ARPP21: variants seen among roughly 807,000 people sequenced by gnomAD.
ARPP21 encodes cAMP-regulated phosphoprotein 21.
ARPP21 carries 69 observed loss-of-function variants against 113.2 expected under a neutral mutation model. The observed-to-expected ratio is 0.61, with a 90% CI of 0.50 to 0.74. The LOEUF (loss-of-function observed/expected upper bound fraction) is 0.74, where lower values mean the gene tolerates loss of function less well. Among genes scored for constraint, ARPP21 ranks in the 30% least tolerant of loss-of-function variants. ARPP21 has a pLI of 0.00. For synonymous variants in ARPP21, 368 were observed against 375.5 expected, an observed-to-expected ratio of 0.98 and a Z score of 0.23; for missense variants, 1,070 against 1,037.4, an observed-to-expected ratio of 1.03 and a Z score of -0.43.
At chr3:35,717,434 C>A (rs192232720) in intron 13 of ARPP21, 77 bp downstream of exon 13, 1 of 884,010 alleles carries the variant, frequency 1.1e-6, no homozygotes, top group South Asian at 1.4e-5. Flanking sequence ...TTAGTGTACT[C>A]GTGTAAAATA....
chr3:35,750,741 T>C (rs921902964), intron 19 of ARPP21, among the ~76,000 whole-genome samples: 1 of 152,192 alleles, frequency 6.6e-6, no homozygotes, highest in Admixed American at 6.5e-5. Context: ...GTCCCTGACA[T>C]GCAAAGACAG....
intron 19 of ARPP21, among the ~76,000 whole-genome samples, chr3:35,778,345 T>A (rs891855648): frequency 6.6e-6 from 1 of 152,008 alleles, no homozygotes; most frequent in Admixed American, 6.6e-5. Flanking sequence ...CCACCTGGGT[T>A]TTGCTAATGG....
intron 19 of ARPP21, among the ~76,000 whole-genome samples, chr3:35,776,324 C>G (rs1207120669): frequency 6.6e-6 from 1 of 152,272 alleles, no homozygotes; most frequent in East Asian, 1.9e-4. Context: ...GGAAGATTCT[C>G]TATACCTCTG....
chr3:35,658,164 T>C (rs1356205411), intron 1 of ARPP21, among the ~76,000 whole-genome samples: 3 of 152,098 alleles, frequency 2.0e-5, no homozygotes, highest in Admixed American at 2.0e-4. Flanking sequence ...GGTGAACACA[T>C]TCCAGACTCA....
rs2084774774 is a variant in ARPP21, at chr3:35,698,100, C to T, written c.686+7095C>T. On this transcript the variant is annotated intron_variant, in intron 9 of 20. Coordinates refer to ENST00000684406, the MANE Select transcript of ARPP21 (RefSeq NM_001385562.1). ...TCAGAAACCTAAGAATCACATTGTT[C>T]TCAGGAAAACTATGAAACTTTATTT... 2.0e-5 allele frequency among the ~76,000 whole-genome samples: 3 copies of T among 151,758 alleles called. No individual in the cohort carries two copies. The South Asian group carries it at 6.2e-4, about 31-fold the overall frequency.
intron 1 of ARPP21, among the ~76,000 whole-genome samples, chr3:35,654,421 C>T (rs1703855978): frequency 6.6e-6 from 1 of 152,004 alleles, no homozygotes; most frequent in South Asian, 2.1e-4. Context: ...CTGTCTTCTG[C>T]CCCATGGGGG....
intron 1 of ARPP21, among the ~76,000 whole-genome samples, chr3:35,653,607 G>A (rs984970083): frequency 6.6e-6 from 1 of 152,038 alleles, no homozygotes; most frequent in African/African-American, 2.4e-5. Flanking sequence ...TAGGAAGGGG[G>A]TAGGTTTGAC....
rs377308615 is a variant in ARPP21, at chr3:35,722,284, C to T, written c.1225+450C>T. Among the ~76,000 whole-genome samples, 50 of 152,238 alleles carry T rather than the reference C, an allele frequency of 3.3e-4. 2 individuals are homozygous for T. The East Asian group carries it at 5.8e-3, about 18-fold the overall frequency. On this transcript the variant is annotated intron_variant, in intron 14 of 20. Coordinates refer to ENST00000684406, the MANE Select transcript of ARPP21 (RefSeq NM_001385562.1). Reference sequence around the variant, plus strand: ...TAATATGAATTATTCCTTAAAAACACGCCGTAGGATAATTATAATATTAAT... The same window carrying T: ...TAATATGAATTATTCCTTAAAAACATGCCGTAGGATAATTATAATATTAAT...
intron 14 of ARPP21, among the ~76,000 whole-genome samples, chr3:35,723,206 C>A (rs1431262905): frequency 6.6e-6 from 1 of 152,132 alleles, no homozygotes. Context: ...GATATTTTCC[C>A]AATCACCCTT....
At chr3:35,692,603 C>A (rs2082568832) in intron 9 of ARPP21, among the ~76,000 whole-genome samples, 1 of 151,500 alleles carries the variant, frequency 6.6e-6, no homozygotes, top group Non-Finnish European at 1.5e-5. Context: ...TAACTTACAC[C>A]AATTTTGCAA....
At chr3:35,736,446 A>G (rs569134065) in intron 15 of ARPP21, among the ~76,000 whole-genome samples, 26 of 152,294 alleles carry the variant, frequency 1.7e-4, no homozygotes, top group African/African-American at 6.3e-4. Context: ...AAATGATGCT[A>G]TTTTGTAAAC....
chr3:35,746,370 C>G (rs1013259745), intron 19 of ARPP21, among the ~76,000 whole-genome samples: 1 of 152,202 alleles, frequency 6.6e-6, no homozygotes, highest in African/African-American at 2.4e-5. Context: ...CTAACAGAAA[C>G]TTTCCAAATG....
In ARPP21 at chr3:35,755,875, A is replaced by G. The variant is rs374854844; in HGVS notation, c.2137+11910A>G. 1.5e-3 allele frequency among the ~76,000 whole-genome samples: 223 copies of G among 152,250 alleles called. 14 individuals carry two copies. The South Asian group carries it at 0.044, about 30-fold the overall frequency. On this transcript the variant is annotated intron_variant, in intron 19 of 20. Coordinates refer to ENST00000684406, the MANE Select transcript of ARPP21 (RefSeq NM_001385562.1). Reference sequence around the variant, plus strand: ...TTTCCAAGAACTACACATTTGGGTAAAAACTTTAGTGGTATTCCAATTTTG... The same window carrying G: ...TTTCCAAGAACTACACATTTGGGTAGAAACTTTAGTGGTATTCCAATTTTG...
At chr3:35,788,622 T>A (rs1342298378) in intron 19 of ARPP21, among the ~76,000 whole-genome samples, 1 of 152,216 alleles carries the variant, frequency 6.6e-6, no homozygotes, top group African/African-American at 2.4e-5. Context: ...TACTATTTTG[T>A]CTGTCATTTC....
intron 19 of ARPP21, among the ~76,000 whole-genome samples, chr3:35,790,931 G>A (rs1457105995): frequency 4.6e-5 from 7 of 152,130 alleles, no homozygotes; most frequent in Non-Finnish European, 8.8e-5. Flanking sequence ...TTACACACTG[G>A]TTCCACTTGC....
At chr3:35,783,599 A>T (rs2096570375) in intron 19 of ARPP21, among the ~76,000 whole-genome samples, 1 of 151,958 alleles carries the variant, frequency 6.6e-6, no homozygotes, top group South Asian at 2.1e-4. Flanking sequence ...TTTCCAGTAG[A>T]CTTTCTACTT....
intron 1 of ARPP21, among the ~76,000 whole-genome samples, chr3:35,645,677 G>A (rs906617450): frequency 6.6e-5 from 10 of 151,882 alleles, no homozygotes; most frequent in Non-Finnish European, 2.9e-5. Flanking sequence ...TAATGGATAA[G>A]CATTCTTTTA....
chr3:35,721,186 G>T (rs963035328), intron 13 of ARPP21, among the ~76,000 whole-genome samples: 1 of 152,170 alleles, frequency 6.6e-6, no homozygotes, highest in African/African-American at 2.4e-5. Flanking sequence ...GAGAGAAAAA[G>T]TCTTCTTTGG....
intron 19 of ARPP21, among the ~76,000 whole-genome samples, chr3:35,759,411 T>G (rs768786121): frequency 1.3e-5 from 2 of 152,134 alleles, no homozygotes; most frequent in Non-Finnish European, 2.9e-5. Flanking sequence ...GTTGTTCATT[T>G]CTAAATTATT....
Sources: allele counts gnomAD v4.1 joint callset (sites outside exome capture counted in the v4.1 genomes callset), GRCh38; gene constraint gnomAD v4.1.1; transcripts MANE v1.5; gene names NCBI Gene and HGNC (gene_info 2026-07-23, HGNC 2026-07-21).